ZRANB1: variants seen among roughly 807,000 people sequenced by gnomAD.
The protein encoded by ZRANB1 is zinc finger RANBP2-type containing 1.
In ZRANB1, 16 loss-of-function variants were observed where a neutral mutation model predicts 80.5. That is an observed-to-expected ratio of 0.20 (90% CI 0.13 to 0.30). The LOEUF is 0.30. Ranked by LOEUF, ZRANB1 falls within the 10% of genes least tolerant of loss-of-function variation. The pLI, the probability that ZRANB1 is intolerant of heterozygous loss-of-function variation, is 1.00. For synonymous variants in ZRANB1, 291 were observed against 293.1 expected (o/e 0.99, Z 0.07); for missense variants, 576 against 862.6 (o/e 0.67, Z 4.16).
At chr10:124,950,731 C>T (rs1205820413) in intron 1 of ZRANB1, among the ~76,000 whole-genome samples, 1 of 152,108 alleles carries the variant, frequency 6.6e-6, no homozygotes, top group Non-Finnish European at 1.5e-5. Flanking sequence ...AATCCCAGCA[C>T]TGTGGGAGGT....
intron 1 of ZRANB1, among the ~76,000 whole-genome samples, chr10:124,950,272 G>T (rs1470967190): frequency 6.6e-6 from 1 of 151,880 alleles, no homozygotes; most frequent in Non-Finnish European, 1.5e-5. Context: ...CTACAGACGT[G>T]CACCACCACG....
In ZRANB1 at chr10:124,954,932, A is replaced by G. The variant is rs1402852422; in HGVS notation, c.814+11625A>G. ...ATCACGAGGTCAGGAGATCGAGACC[A>G]TCCTGGCTAACATGGTGAAACCCCA... On this transcript the variant is annotated intron_variant, in intron 1 of 8. Coordinates refer to ENST00000359653, the MANE Select transcript of ZRANB1 (RefSeq NM_017580.3). Among the ~76,000 whole-genome samples the G allele has an allele frequency of 1.0e-4, 15 of 150,630 alleles. No homozygotes were observed. In the East Asian group the frequency reaches 1.9e-3, roughly 19 times the overall value.
chr10:124,973,565 T>A, intron 3 of ZRANB1, 80 bp from the exon 4 acceptor site: 1 of 1,232,322 alleles, frequency 8.1e-7, no homozygotes, highest in South Asian at 1.4e-5. Flanking sequence ...TACTAGTAGG[T>A]AATTAATAAG....
the ZRANB1 span, among the ~76,000 whole-genome samples, chr10:124,917,895 G>A: frequency 6.6e-6 from 1 of 152,142 alleles, no homozygotes; most frequent in Non-Finnish European, 1.5e-5. Context: ...TTTGGTGCGG[G>A]TCATTTCACA....
intron 1 of ZRANB1, among the ~76,000 whole-genome samples, chr10:124,960,159 T>C (rs1272404669): frequency 1.3e-5 from 2 of 152,112 alleles, no homozygotes; most frequent in Non-Finnish European, 2.9e-5. Context: ...CTGAAACTTT[T>C]GGGGATGGAT....
At chr10:124,932,089 G>A in the ZRANB1 span, among the ~76,000 whole-genome samples, 1 of 152,070 alleles carries the variant, frequency 6.6e-6, no homozygotes, top group Admixed American at 6.6e-5. Context: ...CAGGTTGTCT[G>A]TCACTTAGTA....
intron 1 of ZRANB1, 99 bp downstream of exon 1, chr10:124,943,406 G>C: frequency 8.3e-7 from 1 of 1,202,762 alleles, no homozygotes; most frequent in Admixed American, 2.5e-5. Flanking sequence ...TGTGGTCTTA[G>C]CCACTTGCTT....
At chr10:124,927,065 C>T in the ZRANB1 span, among the ~76,000 whole-genome samples, 2 of 152,226 alleles carry the variant, frequency 1.3e-5, no homozygotes, top group Non-Finnish European at 2.9e-5. Context: ...ACGCCATCCT[C>T]TTGCCTCAGC....
intron 1 of ZRANB1, among the ~76,000 whole-genome samples, chr10:124,963,074 T>C (rs1951746596): frequency 6.6e-6 from 1 of 152,122 alleles, no homozygotes; most frequent in African/African-American, 2.4e-5. Context: ...GAGATCAACC[T>C]GATCAATATG....
upstream of ZRANB1, among the ~76,000 whole-genome samples, chr10:124,939,177 A>G (rs1254165746): frequency 1.3e-5 from 2 of 151,782 alleles, no homozygotes; most frequent in Non-Finnish European, 2.9e-5. Flanking sequence ...CTGTCTCAAC[A>G]ACAACAAAAA....
intron 2 of ZRANB1, among the ~76,000 whole-genome samples, chr10:124,968,589 G>A (rs1177029778): frequency 6.6e-6 from 1 of 152,138 alleles, no homozygotes; most frequent in Admixed American, 6.5e-5. Flanking sequence ...AGTGTCGAAG[G>A]CCTGGCTGCA....
chr10:124,965,954 T>C (rs1170511857), intron 1 of ZRANB1, among the ~76,000 whole-genome samples: 2 of 152,224 alleles, frequency 1.3e-5, no homozygotes, highest in East Asian at 1.9e-4. Flanking sequence ...TGTTTTATTT[T>C]AGCGTATTTT....
intron 1 of ZRANB1, among the ~76,000 whole-genome samples, chr10:124,946,890 G>A (rs758053202): frequency 1.3e-5 from 2 of 152,106 alleles, no homozygotes; most frequent in Non-Finnish European, 1.5e-5. Context: ...TAGATACAGT[G>A]TATTTTGGGT....
At position 124,986,198 on chromosome 10, in the gene ZRANB1, G is replaced by C. The variant is rs1253616594; in HGVS notation, c.*1206G>C. Reference sequence around the variant, plus strand: ...GGGTAAAAATTTCAGACCTATCTCAGGAACACAGAAATATTTGGTGTCCTG... The same window carrying C: ...GGGTAAAAATTTCAGACCTATCTCACGAACACAGAAATATTTGGTGTCCTG... On this transcript the variant is annotated 3_prime_UTR_variant, in exon 9 of 9. Coordinates refer to ENST00000359653, the MANE Select transcript of ZRANB1 (RefSeq NM_017580.3). The C allele has an allele frequency of 6.6e-6, 1 of 151,940 alleles. No individual in the cohort carries two copies. The highest frequency in any genetic ancestry group is 2.4e-5 in the African/African-American group (1 of 41,282). 9.4% of individuals were successfully genotyped at this position (151,940 alleles called of 1,614,324 possible). A position where few individuals can be genotyped will look rare whatever the true frequency, so the allele number is the denominator to read the frequency against.
In ZRANB1 at chr10:124,986,601, G is replaced by A. The variant is rs1952050394; in HGVS notation, c.*1609G>A. The A allele has an allele frequency of 6.6e-6, 1 of 152,140 alleles. No homozygotes were observed. Among genetic ancestry groups the A allele is most frequent in the Non-Finnish European group, 1.5e-5 (1 of 68,034 alleles). 9.4% of individuals were successfully genotyped at this position (152,140 alleles called of 1,614,324 possible). On this transcript the variant is annotated 3_prime_UTR_variant, in exon 9 of 9. Transcript: ENST00000359653. ...TACGATTCTGTAGAAATGAATCTTT[G>A]ATATAATGTAAATGCTGCTGTTTGT...
At chr10:124,919,788 T>G in the ZRANB1 span, among the ~76,000 whole-genome samples, 1 of 151,324 alleles carries the variant, frequency 6.6e-6, no homozygotes, top group Non-Finnish European at 1.5e-5. Context: ...ATTTTTTGTA[T>G]TTTTAGTGGA....
chr10:124,988,019 T>C lies in ZRANB1; in HGVS notation c.*3027T>C, dbSNP rs541342658. The C allele has an allele frequency of 6.5e-6, 1 of 152,778 alleles. No individual in the cohort carries two copies. Among genetic ancestry groups the C allele is most frequent in the African/African-American group, 2.4e-5 (1 of 41,582 alleles). The allele number at this position is 152,778 out of a possible 1,614,324, so 9.5% of individuals were successfully genotyped here. A position where few individuals can be genotyped will look rare whatever the true frequency, so the allele number is the denominator to read the frequency against. ...CTCCCTTGAACCAGGTCCAGGTCAT[T>C]TTGCTTTGGGGTAGATTAAAGTCAG... On this transcript the variant is annotated 3_prime_UTR_variant, in exon 9 of 9. Coordinates refer to ENST00000359653, the MANE Select transcript of ZRANB1 (RefSeq NM_017580.3).
At chr10:124,957,031 C>G (rs1218491354) in intron 1 of ZRANB1, among the ~76,000 whole-genome samples, 1 of 152,186 alleles carries the variant, frequency 6.6e-6, no homozygotes, top group African/African-American at 2.4e-5. Context: ...GTATAATTAT[C>G]CAAGAAATTT....
At chr10:124,971,664 C>G (rs533301450) in intron 2 of ZRANB1, among the ~76,000 whole-genome samples, 66 of 152,282 alleles carry the variant, frequency 4.3e-4, no homozygotes, top group African/African-American at 1.5e-3. Flanking sequence ...CTCTCCTCTT[C>G]CTGTGATGTG....
Sources: gnomAD v4.1 joint callset for allele counts (sites outside exome capture counted in the v4.1 genomes callset) on GRCh38, gnomAD v4.1.1 for gene constraint, MANE v1.5 for transcripts, NCBI Gene and HGNC (gene_info 2026-07-23, HGNC 2026-07-21) for gene names.